The following MCU variants were observed in gnomAD, a reference collection of about 807,000 sequenced individuals.
MCU encodes calcium uniporter protein, mitochondrial.
A neutral mutation model predicts 45.2 loss-of-function variants in MCU; 12 were observed. That is an observed-to-expected ratio of 0.27 (90% CI 0.17 to 0.43). The LOEUF (loss-of-function observed/expected upper bound fraction) is 0.43. Ranked by LOEUF, MCU falls within the 20% of genes least tolerant of loss-of-function variation. The probability of loss-of-function intolerance (pLI) is 1.00; values close to 1 mark genes in which losing one functional copy is unlikely to be tolerated. For synonymous variants in MCU, 160 were observed against 165.1 expected (o/e 0.97, Z 0.24); for missense variants, 324 against 436.7 (o/e 0.74, Z 2.30).
At chr10:72,692,521 A>T in intron 1 of MCU, 1 of 1,016,736 alleles carries the variant, frequency 9.8e-7, no homozygotes, top group Non-Finnish European at 1.2e-6. Context: ...AGGAGGGGCG[A>T]CGGCGGGGAT....
intron 1 of MCU, among the ~76,000 whole-genome samples, chr10:72,821,537 G>T (rs1329562385): frequency 6.6e-6 from 1 of 151,996 alleles, no homozygotes; most frequent in Non-Finnish European, 1.5e-5. Context: ...ATATGAAATT[G>T]ATCTCCTCAT....
chr10:72,823,921 A>G (rs989782427), intron 1 of MCU, among the ~76,000 whole-genome samples: 3 of 152,006 alleles, frequency 2.0e-5, no homozygotes, highest in Admixed American at 1.3e-4. Flanking sequence ...TTAGCCAAGC[A>G]TGGTGGCATA....
At chr10:72,836,657 T>C (rs1564570457) in intron 2 of MCU, among the ~76,000 whole-genome samples, 1 of 152,140 alleles carries the variant, frequency 6.6e-6, no homozygotes, top group Non-Finnish European at 1.5e-5. Flanking sequence ...GCTAAAAAGA[T>C]ACCAACTTAA....
chr10:72,807,635 C>T (rs1302941828), intron 1 of MCU, among the ~76,000 whole-genome samples: 4 of 152,104 alleles, frequency 2.6e-5, no homozygotes, highest in African/African-American at 7.2e-5. Flanking sequence ...TCACCATATA[C>T]ATACCCACCC....
chr10:72,726,500 T>C (rs898295859), intron 1 of MCU, among the ~76,000 whole-genome samples: 7 of 152,250 alleles, frequency 4.6e-5, no homozygotes, highest in South Asian at 2.1e-4. Flanking sequence ...ACATTCACTT[T>C]GTTTCCTGTT....
At chr10:72,852,322 A>G (rs918900409) in intron 2 of MCU, among the ~76,000 whole-genome samples, 5 of 152,218 alleles carry the variant, frequency 3.3e-5, no homozygotes, top group Admixed American at 2.6e-4. Flanking sequence ...ATTCAATTCA[A>G]ATTACTATTT....
At position 72,716,142 on chromosome 10, in the gene MCU, A is replaced by G. The variant is rs190197831; in HGVS notation, c.150+23841A>G. ...GATTGTCTGTGGTTGCCCTGGCACT[A>G]TAAGGACAGAGTTTAGTTGTTACAA... On this transcript the variant is annotated intron_variant, in intron 1 of 7. Transcript: ENST00000373053. 2.1e-3 allele frequency among the ~76,000 whole-genome samples: 313 copies of G among 152,368 alleles called. 1 individual carries two copies. The highest frequency in any genetic ancestry group is 6.7e-3 in the African/African-American group (278 of 41,596).
chr10:72,747,753 T>C (rs899232195), intron 1 of MCU, among the ~76,000 whole-genome samples: 2 of 152,208 alleles, frequency 1.3e-5, no homozygotes, highest in East Asian at 3.9e-4. Flanking sequence ...GGAGGATCAC[T>C]TGAGCCTGGG....
rs1474252109 is a variant in MCU at position 72,751,341 on chromosome 10, C to CTTCTTTTTTTT, written c.150+59042_150+59043insCTTTTTTTTTT. On this transcript the variant is annotated intron_variant, in intron 1 of 7. Transcript: ENST00000373053. ...TTTTCTCTAACATCTTCTTCTTCTTCTTTTTTTTTTTTTTTTTTTTTTTTT... is the reference window on the plus strand; with the variant it reads ...TTTTCTCTAACATCTTCTTCTTCTTCTTCTTTTTTTTTTTTTTTTTTTTTTTTTTTTTTTTT... 3.8e-4 allele frequency among the ~76,000 whole-genome samples: 17 copies of CTTCTTTTTTTT among 44,748 alleles called. 1 individual carries two copies. The highest frequency in any genetic ancestry group is 1.2e-3 in the African/African-American group (14 of 11,934). 29.4% of individuals were successfully genotyped at this position (44,748 alleles called of 152,430 possible). A position where few individuals can be genotyped will look rare whatever the true frequency, so the allele number is the denominator to read the frequency against.
chr10:72,838,653 T>C (rs779738969), intron 2 of MCU, among the ~76,000 whole-genome samples: 19 of 150,832 alleles, frequency 1.3e-4, no homozygotes, highest in Non-Finnish European at 2.4e-4. Flanking sequence ...AAAAAAAGAG[T>C]GAGAGAGAAT....
At chr10:72,748,684 G>A (rs1167191625) in intron 1 of MCU, among the ~76,000 whole-genome samples, 1 of 151,888 alleles carries the variant, frequency 6.6e-6, no homozygotes, top group African/African-American at 2.4e-5. Context: ...GAGATATAAG[G>A]AGTCTGGTTA....
intron 4 of MCU, among the ~76,000 whole-genome samples, chr10:72,863,005 T>C (rs1262046499): frequency 1.3e-5 from 2 of 152,096 alleles, no homozygotes; most frequent in Admixed American, 6.5e-5. Flanking sequence ...CTGGTCCCCA[T>C]CTACCTTTTA....
chr10:72,717,964 A>G (rs1047615796), intron 1 of MCU, among the ~76,000 whole-genome samples: 2 of 152,208 alleles, frequency 1.3e-5, no homozygotes, highest in Admixed American at 6.5e-5. Context: ...ACCTTCTTCT[A>G]TTATTAACAT....
chr10:72,863,366 C>T (rs1845407958), intron 4 of MCU, among the ~76,000 whole-genome samples: 1 of 152,088 alleles, frequency 6.6e-6, no homozygotes, highest in South Asian at 2.1e-4. Flanking sequence ...TAAATGTGTT[C>T]GCTGGGTAGC....
At chr10:72,756,146 T>G (rs1372832781) in intron 1 of MCU, among the ~76,000 whole-genome samples, 1 of 152,054 alleles carries the variant, frequency 6.6e-6, no homozygotes, top group Non-Finnish European at 1.5e-5. Flanking sequence ...CCACCACACC[T>G]GGCTAATTTT....
rs1389048700 is a variant in MCU, at chr10:72,804,049, TATATATATATATATATATATATATAA to T, written c.151-30308_151-30283del. The stretch of plus-strand genomic sequence containing the variant: ...ATATATATATATATATATATATATA[TATATATATATATATATATATATATAA>T]AATAAGAGTGCCAACAATTTACATT... On this transcript the variant is annotated intron_variant, in intron 1 of 7. Transcript: ENST00000373053. 2.3e-4 allele frequency among the ~76,000 whole-genome samples: 18 copies of T among 76,600 alleles called. 1 individual carries two copies. The highest frequency in any genetic ancestry group is 1.2e-3 in the African/African-American group (17 of 13,934). 50.3% of individuals were successfully genotyped at this position (76,600 alleles called of 152,430 possible).
At chr10:72,828,088 G>A (rs1844824569) in intron 1 of MCU, among the ~76,000 whole-genome samples, 1 of 152,164 alleles carries the variant, frequency 6.6e-6, no homozygotes, top group East Asian at 1.9e-4. Context: ...TGGAGTATCC[G>A]TATAAGCACT....
At chr10:72,701,042 C>T (rs1011594460) in intron 1 of MCU, among the ~76,000 whole-genome samples, 6 of 152,120 alleles carry the variant, frequency 3.9e-5, no homozygotes, top group Non-Finnish European at 7.4e-5. Context: ...TGCTGAGACA[C>T]GCCTACTTTG....
At chr10:72,724,885 T>G (rs1843075402) in intron 1 of MCU, among the ~76,000 whole-genome samples, 1 of 152,248 alleles carries the variant, frequency 6.6e-6, no homozygotes, top group Non-Finnish European at 1.5e-5. Context: ...AAATAAGCAC[T>G]TAGTGTTGAA....
Sources: gnomAD v4.1 joint callset for allele counts (sites outside exome capture counted in the v4.1 genomes callset) on GRCh38, gnomAD v4.1.1 for gene constraint, MANE v1.5 for transcripts, NCBI Gene and HGNC (gene_info 2026-07-23, HGNC 2026-07-21) for gene names.